Variants in RAB2A observed in about 807,000 individuals in gnomAD.
The protein encoded by RAB2A is RAB2A, member RAS oncogene family, also known as ras-related protein Rab-2A.
RAB2A carries 7 observed loss-of-function variants against 32.5 expected under a neutral mutation model. The observed-to-expected ratio is 0.22, with a 90% CI of 0.12 to 0.40. The LOEUF is 0.40. RAB2A is among the 10% of genes least tolerant of loss of function. RAB2A has a pLI of 1.00. For missense variants in RAB2A, 108 were observed against 260.7 expected, an observed-to-expected ratio of 0.41 and a Z score of 4.03; for synonymous variants, 79 against 85.2, an observed-to-expected ratio of 0.93 and a Z score of 0.40.
chr8:60,517,558 C>T (rs1052691332), intron 1 of RAB2A, among the ~76,000 whole-genome samples: 2 of 152,084 alleles, frequency 1.3e-5, no homozygotes, highest in African/African-American at 2.4e-5. Flanking sequence ...GCCGCCGGGG[C>T]CCGACTCACA....
intron 1 of RAB2A, among the ~76,000 whole-genome samples, chr8:60,535,888 C>T (rs1207516998): frequency 6.6e-6 from 1 of 152,148 alleles, no homozygotes; most frequent in Non-Finnish European, 1.5e-5. Context: ...ATAGGAGTAT[C>T]TGATTGGCTC....
chr8:60,613,458 G>A (rs1051978083), intron 6 of RAB2A, among the ~76,000 whole-genome samples: 3 of 152,110 alleles, frequency 2.0e-5, no homozygotes, highest in Admixed American at 6.5e-5. Context: ...ACAAGTCAAA[G>A]GAATTTTCAT....
intron 1 of RAB2A, among the ~76,000 whole-genome samples, chr8:60,547,171 T>A (rs1240934307): frequency 1.3e-5 from 2 of 151,892 alleles, no homozygotes; most frequent in Non-Finnish European, 2.9e-5. Context: ...CATTCAACCC[T>A]GAGTGGATAC....
At chr8:60,541,063 A>G (rs1403258245) in intron 1 of RAB2A, among the ~76,000 whole-genome samples, 5 of 152,236 alleles carry the variant, frequency 3.3e-5, no homozygotes, top group Non-Finnish European at 7.3e-5. Flanking sequence ...GTTAAAGTCA[A>G]CAGTGATCAG....
In RAB2A at chr8:60,623,228, A is replaced by T. The variant is rs1180361969; in HGVS notation, c.*2459A>T. Reference sequence around the variant, plus strand: ...TAATTAGATATACAACTGAAACAGGATATACAACTGCATACAATTTGTTTT... The same window carrying T: ...TAATTAGATATACAACTGAAACAGGTTATACAACTGCATACAATTTGTTTT... On this transcript the variant is annotated 3_prime_UTR_variant, in exon 8 of 8. Coordinates refer to ENST00000262646, the MANE Select transcript of RAB2A (RefSeq NM_002865.3). 3 of 152,370 alleles carry T rather than the reference A, an allele frequency of 2.0e-5. No individual in the cohort carries two copies. Among genetic ancestry groups the T allele is most frequent in the Non-Finnish European group, 4.4e-5 (3 of 68,040 alleles). 9.4% of individuals were successfully genotyped at this position (152,370 alleles called of 1,614,324 possible). A position where few individuals can be genotyped will look rare whatever the true frequency, so the allele number is the denominator to read the frequency against.
At chr8:60,614,059 TTAAA>T (rs1804406152) in intron 6 of RAB2A, among the ~76,000 whole-genome samples, 1 of 152,058 alleles carries the variant, frequency 6.6e-6, no homozygotes, top group African/African-American at 2.4e-5. Flanking sequence ...AGGAAGTAAT[TTAAA>T]TATTCTATTG....
At chr8:60,598,095 G>A (rs1287999998) in intron 6 of RAB2A, among the ~76,000 whole-genome samples, 2 of 152,190 alleles carry the variant, frequency 1.3e-5, no homozygotes, top group Non-Finnish European at 2.9e-5. Flanking sequence ...CTACTCGGGA[G>A]GCTAAGGCAG....
intron 1 of RAB2A, among the ~76,000 whole-genome samples, chr8:60,519,425 C>T (rs1363130767): frequency 1.3e-5 from 2 of 152,124 alleles, no homozygotes; most frequent in Non-Finnish European, 2.9e-5. Context: ...GAGTGCTTTC[C>T]GGCACAATCT....
chr8:60,539,169 G>A (rs937350624), intron 1 of RAB2A, among the ~76,000 whole-genome samples: 2 of 152,156 alleles, frequency 1.3e-5, no homozygotes, highest in Non-Finnish European at 2.9e-5. Context: ...GTGCAAGGTC[G>A]TTTTCAAAAT....
chr8:60,550,095 T>C (rs566268342), intron 1 of RAB2A, among the ~76,000 whole-genome samples: 2 of 152,312 alleles, frequency 1.3e-5, no homozygotes, highest in Admixed American at 1.3e-4. Flanking sequence ...CTTTGTCTCT[T>C]GGGTGACTAA....
At position 60,525,476 on chromosome 8, in the gene RAB2A, G is replaced by A. The variant is rs1043586398; in HGVS notation, c.46+8223G>A. On this transcript the variant is annotated intron_variant, in intron 1 of 7. Coordinates refer to ENST00000262646, the MANE Select transcript of RAB2A (RefSeq NM_002865.3). ...AGCAGTGTGAAAACGAACGAATACAGTGGTAGAACAAAGATCTAGGGGTGT... is the reference window on the plus strand; with the variant it reads ...AGCAGTGTGAAAACGAACGAATACAATGGTAGAACAAAGATCTAGGGGTGT... 7.9e-5 allele frequency among the ~76,000 whole-genome samples: 12 copies of A among 152,120 alleles called. No individual in the cohort carries two copies. In the South Asian group the frequency reaches 8.3e-4, roughly 10 times the overall value.
At chr8:60,584,096 GTC>G (rs1340978174) in intron 3 of RAB2A, 110 bp from the exon 4 acceptor site, 68 of 838,172 alleles carry the variant, frequency 8.1e-5, no homozygotes, top group Non-Finnish European at 2.1e-5. Context: ...AAGTTTTCTT[GTC>G]TCTCTTTATG....
intron 5 of RAB2A, 96 bp downstream of exon 5, chr8:60,584,911 C>A: frequency 1.2e-6 from 1 of 803,078 alleles, no homozygotes. Context: ...ATGTGAGTTA[C>A]CAGCCTCTTA....
intron 1 of RAB2A, among the ~76,000 whole-genome samples, chr8:60,544,569 TTTTA>T (rs1461795709): frequency 1.4e-5 from 2 of 138,942 alleles, no homozygotes; most frequent in Non-Finnish European, 3.0e-5. Flanking sequence ...TTTTTTTTTT[TTTTA>T]AAATAGAGAT....
intron 1 of RAB2A, among the ~76,000 whole-genome samples, chr8:60,547,634 G>A (rs1807758044): frequency 1.6e-5 from 2 of 121,766 alleles, no homozygotes; most frequent in African/African-American, 2.9e-5. Context: ...CCCGGACGGG[G>A]CGGCTGGCCA....
intron 3 of RAB2A, among the ~76,000 whole-genome samples, chr8:60,575,332 T>C (rs982906158): frequency 6.6e-6 from 1 of 152,102 alleles, no homozygotes; most frequent in Non-Finnish European, 1.5e-5. Context: ...TTTTCTCTTA[T>C]TTTCATTGAC....
chr8:60,519,434 C>G (rs1807267264), intron 1 of RAB2A, among the ~76,000 whole-genome samples: 1 of 152,184 alleles, frequency 6.6e-6, no homozygotes, highest in Admixed American at 6.5e-5. Context: ...CCGGCACAAT[C>G]TCTCCCTGTG....
intron 2 of RAB2A, among the ~76,000 whole-genome samples, chr8:60,562,444 G>GT (rs373379204): frequency 4.8e-4 from 73 of 152,284 alleles, no homozygotes; most frequent in African/African-American, 1.7e-3. Context: ...AAAATGGATT[G>GT]TTTTTTGTTG....
In RAB2A at chr8:60,620,751, TG is replaced by T; in HGVS notation, c.626del (p.Gly209AlafsTer11). The T allele has an allele frequency of 6.2e-7, 1 of 1,613,474 alleles. No individual in the cohort carries two copies. The highest frequency in any genetic ancestry group is 1.7e-5 in the Admixed American group (1 of 59,892). On this transcript the variant is annotated frameshift_variant, in exon 8 of 8. Coordinates refer to ENST00000262646, the MANE Select transcript of RAB2A (RefSeq NM_002865.3). LOFTEE classifies it high-confidence loss of function. ...HAGNQGGQQA[G>X]GGCC ...CAGGCAATCAGGGAGGACAGCAGGC[TG>T]GGGGCGGCTGCTGTTGAGTCTGTTT...
Sources: gnomAD v4.1 joint callset for allele counts (sites outside exome capture counted in the v4.1 genomes callset) on GRCh38, gnomAD v4.1.1 for gene constraint, MANE v1.5 for transcripts, NCBI Gene and HGNC (gene_info 2026-07-23, HGNC 2026-07-21) for gene names.